The following TNRC6A variants were observed in gnomAD, a reference collection of about 807,000 sequenced individuals.
TNRC6A encodes the protein trinucleotide repeat-containing gene 6A protein.
A neutral mutation model predicts 221.2 loss-of-function variants in TNRC6A; 44 were observed. That is an observed-to-expected ratio of 0.20 (90% CI 0.16 to 0.26). TNRC6A has a LOEUF of 0.26. Ranked by LOEUF, TNRC6A falls within the 10% of genes least tolerant of loss-of-function variation. The probability of loss-of-function intolerance (pLI) is 1.00; values close to 1 mark genes in which losing one functional copy is unlikely to be tolerated. For synonymous variants in TNRC6A, 847 were observed against 838.5 expected (o/e 1.01, Z -0.18); for missense variants, 2,199 against 2,404.4 (o/e 0.91, Z 1.79).
At chr16:24,794,129 A>G (rs2058170050) in intron 7 of TNRC6A, among the ~76,000 whole-genome samples, 1 of 152,218 alleles carries the variant, frequency 6.6e-6, no homozygotes, top group Non-Finnish European at 1.5e-5. Flanking sequence ...GCCATGTGTG[A>G]AGATAAGATG....
At position 24,700,946 on chromosome 16, in the gene TNRC6A, G is replaced by A. The variant is rs1034936902; in HGVS notation, n.403-49780G>A. Among the ~76,000 whole-genome samples, 59 of 152,166 alleles carry A rather than the reference G, an allele frequency of 3.9e-4. 2 individuals are homozygous for A. Among genetic ancestry groups the A allele is most frequent in the Non-Finnish European group, 2.9e-5 (2 of 68,038 alleles). ...TCGCTCTTTGGAATTGTCTGTCACT[G>A]ACCCAATGCAATAAGGCTGCCCAAT... On this transcript the variant is annotated intron_variant and non_coding_transcript_variant, in intron 2 of 2. Transcript: ENST00000566108.
chr16:24,647,726 C>T (rs1344617902), intron 2 of TNRC6A, among the ~76,000 whole-genome samples: 2 of 152,152 alleles, frequency 1.3e-5, no homozygotes, highest in African/African-American at 4.8e-5. Context: ...ATTCTTCTGC[C>T]TCAGCCTCCT....
In TNRC6A at chr16:24,824,299, C is replaced by G. The variant is rs961113049; in HGVS notation, c.*492C>G. 1.3e-5 allele frequency: 2 copies of G among 152,660 alleles called. No individual in the cohort carries two copies. Among genetic ancestry groups the G allele is most frequent in the African/African-American group, 4.8e-5 (2 of 41,426 alleles). 9.5% of individuals were successfully genotyped at this position (152,660 alleles called of 1,614,324 possible). On this transcript the variant is annotated 3_prime_UTR_variant, in exon 25 of 25. Coordinates refer to ENST00000395799, the MANE Select transcript of TNRC6A (RefSeq NM_014494.4). ...GGTGTTCTTAGGAGGCGTGCGCTCTCTACTATGCCTTGATGTTGCCTACCT... is the reference window on the plus strand; with the variant it reads ...GGTGTTCTTAGGAGGCGTGCGCTCTGTACTATGCCTTGATGTTGCCTACCT...
chr16:24,692,750 T>C lies in TNRC6A; in HGVS notation n.402+51741T>C, dbSNP rs887680626. ...TATATATATGTGTATATATTATACA[T>C]ATATATATGGTGTCATATTATACAT... On this transcript the variant is annotated intron_variant and non_coding_transcript_variant, in intron 2 of 2. Transcript: ENST00000566108. 2.6e-5 allele frequency among the ~76,000 whole-genome samples: 4 copies of C among 151,782 alleles called. No homozygotes were observed. In the South Asian group the frequency reaches 6.2e-4, roughly 24 times the overall value.
chr16:24,639,593 C>A (rs1280184179), intron 1 of TNRC6A, among the ~76,000 whole-genome samples: 1 of 152,184 alleles, frequency 6.6e-6, no homozygotes, highest in African/African-American at 2.4e-5. Context: ...ATCTTTTCAT[C>A]ATTCACTTAT....
At chr16:24,746,817 G>A (rs924672184) in intron 2 of TNRC6A, among the ~76,000 whole-genome samples, 19 of 152,178 alleles carry the variant, frequency 1.2e-4, no homozygotes, top group African/African-American at 4.3e-4. Flanking sequence ...ACCATCAAGT[G>A]TCAGGAGGCG....
At chr16:24,671,300 C>T (rs1176126183) in intron 2 of TNRC6A, among the ~76,000 whole-genome samples, 1 of 152,174 alleles carries the variant, frequency 6.6e-6, no homozygotes, top group African/African-American at 2.4e-5. Flanking sequence ...GCTTAAGTTT[C>T]ATCGCTTAAG....
At chr16:24,740,874 C>T (rs76494584) in intron 2 of TNRC6A, among the ~76,000 whole-genome samples, 2 of 152,200 alleles carry the variant, frequency 1.3e-5, no homozygotes, top group Non-Finnish European at 2.9e-5. Flanking sequence ...CTAGATACCT[C>T]ATTAGTGGAG....
At position 24,823,130 on chromosome 16, in the gene TNRC6A, G is replaced by A. The variant is rs927452893; in HGVS notation, c.5513+117G>A. On this transcript the variant is annotated intron_variant, in intron 24 of 24. Coordinates refer to ENST00000395799, the MANE Select transcript of TNRC6A (RefSeq NM_014494.4). The surrounding 1 kb of genome is among the most constrained non-coding windows in gnomAD (Gnocchi z 4.3). ...TGGGTGGCTCCTGCTGGCTGCAGTAGTGCCCTGATTCCAAGGTCGGCATTC... is the reference window on the plus strand; with the variant it reads ...TGGGTGGCTCCTGCTGGCTGCAGTAATGCCCTGATTCCAAGGTCGGCATTC... 1 of 1,386,614 alleles carries A rather than the reference G, an allele frequency of 7.2e-7. No individual in the cohort carries two copies. The highest frequency in any genetic ancestry group is 1.0e-6 in the Non-Finnish European group (1 of 999,106). 85.9% of individuals were successfully genotyped at this position (1,386,614 alleles called of 1,614,324 possible). A position where few individuals can be genotyped will look rare whatever the true frequency, so the allele number is the denominator to read the frequency against.
chr16:24,815,024 C>A, intron 18 of TNRC6A, 123 bp from the exon 19 acceptor site: 2 of 1,054,248 alleles, frequency 1.9e-6, no homozygotes, highest in Non-Finnish European at 2.7e-6. Context: ...AAGAGTTACT[C>A]TAGAGAACAC....
intron 2 of TNRC6A, among the ~76,000 whole-genome samples, chr16:24,747,705 G>C (rs551884367): frequency 6.6e-6 from 1 of 152,338 alleles, no homozygotes; most frequent in African/African-American, 2.4e-5. Flanking sequence ...TGGCTGTGAT[G>C]ATAGTGTTGA....
At chr16:24,799,358 T>C (rs945149435) in intron 11 of TNRC6A, among the ~76,000 whole-genome samples, 7 of 152,194 alleles carry the variant, frequency 4.6e-5, no homozygotes, top group Non-Finnish European at 1.0e-4. Context: ...ATATGTACTC[T>C]TCTGCACGCA....
chr16:24,717,770 C>CTTTTTTTTTTTTT (rs71383705), intron 2 of TNRC6A, among the ~76,000 whole-genome samples: 32 of 107,368 alleles, frequency 3.0e-4, no homozygotes, highest in Non-Finnish European at 4.8e-4. Flanking sequence ...TTTTTTTTTT[C>CTTTTTTTTTTTTT]TTTTTTTTTT....
At chr16:24,751,521 C>T (rs996867105) in intron 3 of TNRC6A, among the ~76,000 whole-genome samples, 5 of 152,074 alleles carry the variant, frequency 3.3e-5, no homozygotes, top group African/African-American at 1.2e-4. Context: ...TTAATTGTTA[C>T]ATACCAAACA....
upstream of TNRC6A, chr16:24,729,620 C>A (rs1357189002): frequency 4.6e-6 from 2 of 436,178 alleles, no homozygotes; most frequent in South Asian, 7.6e-5. Flanking sequence ...GGCCGTGGCG[C>A]CCCCGGAAGG....
rs995666832 is a variant in TNRC6A, at chr16:24,803,963, A to G, written c.3695-214A>G. 1.8e-5 allele frequency: 9 copies of G among 489,482 alleles called. No individual in the cohort carries two copies. In the South Asian group the frequency reaches 2.7e-4, roughly 15 times the overall value. The allele number at this position is 489,482 out of a possible 1,614,324, so 30.3% of individuals were successfully genotyped here. A position where few individuals can be genotyped will look rare whatever the true frequency, so the allele number is the denominator to read the frequency against. Reference sequence around the variant, plus strand: ...ACCTTCTGTTTACTAGTCTATTTCAAGTTAATTATTTCAGTAAAATAACAG... The same window carrying G: ...ACCTTCTGTTTACTAGTCTATTTCAGGTTAATTATTTCAGTAAAATAACAG... On this transcript the variant is annotated intron_variant, in intron 11 of 24. Coordinates refer to ENST00000395799, the MANE Select transcript of TNRC6A (RefSeq NM_014494.4).
chr16:24,663,251 G>A (rs369552236), intron 2 of TNRC6A: 114 of 154,150 alleles, frequency 7.4e-4, no homozygotes, highest in Non-Finnish European at 1.2e-3. Context: ...GGAAGGATGC[G>A]GATTAAAAAT....
rs1280493445 is a variant in TNRC6A, at chr16:24,745,943, A to C, written c.54-4783A>C. ...AGTCTTCTCACCCTTGTTTTTGCCAATTTATTGCCTATTCTTACCCAACAT... is the reference window on the plus strand; with the variant it reads ...AGTCTTCTCACCCTTGTTTTTGCCACTTTATTGCCTATTCTTACCCAACAT... On this transcript the variant is annotated intron_variant, in intron 2 of 24. Coordinates refer to ENST00000395799, the MANE Select transcript of TNRC6A (RefSeq NM_014494.4). Among the ~76,000 whole-genome samples the C allele has an allele frequency of 4.6e-5, 7 of 152,014 alleles. No homozygotes were observed. The East Asian group carries it at 7.7e-4, about 17-fold the overall frequency.
At chr16:24,804,547 G>A (rs1440045296) in intron 12 of TNRC6A, 158 bp from the exon 13 acceptor site, 1 of 1,230,408 alleles carries the variant, frequency 8.1e-7, no homozygotes, top group East Asian at 2.5e-5. Flanking sequence ...CTCTTTTTGT[G>A]TGCTCTAGAA....
Sources: allele counts gnomAD v4.1 joint callset (sites outside exome capture counted in the v4.1 genomes callset), GRCh38; gene constraint gnomAD v4.1.1; non-coding constraint Gnocchi (gnomAD v3.1); transcripts MANE v1.5; gene names NCBI Gene and HGNC (gene_info 2026-07-23, HGNC 2026-07-21).